DCPS: variants seen among roughly 807,000 people sequenced by gnomAD.
DCPS encodes the protein m7GpppX diphosphatase.
In DCPS, 27 loss-of-function variants were observed where a neutral mutation model predicts 34.7. The ratio of observed to expected loss-of-function variants is 0.78; its 90% confidence interval spans 0.57 to 1.07. The LOEUF (loss-of-function observed/expected upper bound fraction) is 1.07. Ranked by LOEUF, DCPS falls within the 50% of genes least tolerant of loss-of-function variation. The pLI is 0.00. For missense variants in DCPS, 464 were observed against 436.9 expected, an observed-to-expected ratio of 1.06 and a Z score of -0.55; for synonymous variants, 185 against 185.7, an observed-to-expected ratio of 1.00 and a Z score of 0.03.
At chr11:126,343,503 C>T in intron 5 of DCPS, 86 bp downstream of exon 5, 1 of 1,111,508 alleles carries the variant, frequency 9.0e-7, no homozygotes, top group African/African-American at 1.5e-5. Context: ...CCTCACCTTT[C>T]CCAGAGTCCA....
chr11:126,320,657 G>A lies in DCPS; in HGVS notation c.377-10748G>A, dbSNP rs188798047. On this transcript the variant is annotated intron_variant, in intron 2 of 5. Transcript: ENST00000263579. This position sits in a 1 kb window ranked among gnomAD's most constrained non-coding sequence, Gnocchi z 4.7. ...ATATCTACAAAAAATACAAAAATTA[G>A]CCAGGTGTAGTGGTGTGTGCCTATA... is the stretch of plus-strand genomic sequence containing the variant. 6.6e-6 allele frequency among the ~76,000 whole-genome samples: 1 copy of A among 152,084 alleles called. No homozygotes were observed. The highest frequency in any genetic ancestry group is 1.5e-5 in the Non-Finnish European group (1 of 68,024).
In DCPS at chr11:126,332,759, G is replaced by C. The variant is rs190833622; in HGVS notation, c.522+1209G>C. On this transcript the variant is annotated intron_variant, in intron 3 of 5. Transcript: ENST00000263579. This position sits in a 1 kb window ranked among gnomAD's most constrained non-coding sequence, Gnocchi z 5.4. ...GCGTGGGGTGCATCTGGCTCAAGCT[G>C]ACTTGTTTGTTGTTGTTGTTGTTGT... Among the ~76,000 whole-genome samples, 3 of 152,256 alleles carry C rather than the reference G, an allele frequency of 2.0e-5. No individual in the cohort carries two copies. The East Asian group carries it at 5.8e-4, about 29-fold the overall frequency.
At chr11:126,311,543 T>G (rs1393810049) in intron 2 of DCPS, among the ~76,000 whole-genome samples, 1 of 152,152 alleles carries the variant, frequency 6.6e-6, no homozygotes. Context: ...CTAGGAGGGC[T>G]CTCTGCAGTG....
intron 2 of DCPS, 118 bp downstream of exon 2, chr11:126,306,862 T>G: frequency 1.2e-5 from 15 of 1,219,098 alleles, no homozygotes; most frequent in South Asian, 1.9e-5. Context: ...AATAGGGAGA[T>G]TACTTCCCTA....
chr11:126,331,661 G>A lies in DCPS; in HGVS notation c.522+111G>A, dbSNP rs1951794950. ...GGCCAGGCGCTGTGCTGGGCGAGGG[G>A]ATGGGGGTACAGTAGAGAGCATGGC... On this transcript the variant is annotated intron_variant, in intron 3 of 5. Coordinates refer to ENST00000263579, the MANE Select transcript of DCPS (RefSeq NM_014026.6). This position sits in a 1 kb window ranked among gnomAD's most constrained non-coding sequence, Gnocchi z 7.2. 2 of 1,371,768 alleles carry A rather than the reference G, an allele frequency of 1.5e-6. No individual in the cohort carries two copies. The highest frequency in any genetic ancestry group is 4.5e-5 in the Admixed American group (2 of 44,120). 85.0% of individuals were successfully genotyped at this position (1,371,768 alleles called of 1,614,324 possible).
chr11:126,307,404 A>G (rs912913447), intron 2 of DCPS, among the ~76,000 whole-genome samples: 6 of 150,338 alleles, frequency 4.0e-5, no homozygotes, highest in African/African-American at 9.8e-5. Flanking sequence ...GATTCATGGG[A>G]TAGAATAATA....
rs1340878145 is a variant in DCPS at position 126,328,663 on chromosome 11, G to T, written c.377-2742G>T. Among the ~76,000 whole-genome samples the T allele has an allele frequency of 6.6e-6, 1 of 152,144 alleles. No individual in the cohort carries two copies. The highest frequency in any genetic ancestry group is 6.5e-5 in the Admixed American group (1 of 15,284). ...GGAGCCCCAGGCTGGGAGCCCGGCT[G>T]GGTGACCCTGCCCGCAGAACCCGGC... is the stretch of plus-strand genomic sequence containing the variant. On this transcript the variant is annotated intron_variant, in intron 2 of 5. Coordinates refer to ENST00000263579, the MANE Select transcript of DCPS (RefSeq NM_014026.6). The surrounding 1 kb of genome is among the most constrained non-coding windows in gnomAD (Gnocchi z 6.6).
intron 2 of DCPS, among the ~76,000 whole-genome samples, chr11:126,321,581 A>G (rs1342984278): frequency 6.6e-6 from 1 of 152,202 alleles, no homozygotes; most frequent in Non-Finnish European, 1.5e-5. Context: ...ACGAAGCTCC[A>G]GGTGACCACA....
intron 2 of DCPS, among the ~76,000 whole-genome samples, chr11:126,330,939 T>C (rs531028991): frequency 6.6e-6 from 1 of 151,616 alleles, no homozygotes; most frequent in African/African-American, 2.4e-5. Context: ...TTTCTCCACG[T>C]TGGTCAGGCT....
At chr11:126,321,897 A>G (rs1314982364) in intron 2 of DCPS, among the ~76,000 whole-genome samples, 1 of 152,238 alleles carries the variant, frequency 6.6e-6, no homozygotes, top group Non-Finnish European at 1.5e-5. Context: ...GAAGTTGTGA[A>G]GAAAACTTCC....
At position 126,345,369 on chromosome 11, in the gene DCPS, G is replaced by C; in HGVS notation, c.770G>C (p.Arg257Pro). The C allele has an allele frequency of 1.2e-6, 2 of 1,614,048 alleles. No homozygotes were observed. The highest frequency in any genetic ancestry group is 1.7e-6 in the Non-Finnish European group (2 of 1,180,022). The change falls in exon 6 of 6, where the codon CGG (arginine) becomes CCG (proline). Residue 257 changes from arginine to proline, a missense_variant. By Grantham distance (103) the Arg-to-Pro change is moderately radical (BLOSUM62 -2). Transcript: ENST00000263579. The surrounding 1 kb of genome is among the most constrained non-coding windows in gnomAD (Gnocchi z 7.4). ...QGQEAILQRY[R>P]MKGDHLRVYL... ...CAGGAGGCCATCCTGCAGCGCTACC[G>C]GATGAAGGGAGACCATCTGCGAGTA...
Position 126,304,072 on chromosome 11 carries a change from C to T in DCPS, c.-9C>T, listed in dbSNP as rs754624738. 1.3e-6 allele frequency: 2 copies of T among 1,586,184 alleles called. No individual in the cohort carries two copies. Among genetic ancestry groups the T allele is most frequent in the South Asian group, 1.1e-5 (1 of 88,634 alleles). On this transcript the variant is annotated 5_prime_UTR_variant, in exon 1 of 6. Coordinates refer to ENST00000263579, the MANE Select transcript of DCPS (RefSeq NM_014026.6). Reference sequence around the variant, plus strand: ...AGGGGGCGCAGGCGCACACCGCCTCCGCGGCAGCATGGCGGACGCAGCTCC... The same window carrying T: ...AGGGGGCGCAGGCGCACACCGCCTCTGCGGCAGCATGGCGGACGCAGCTCC...
intron 2 of DCPS, among the ~76,000 whole-genome samples, chr11:126,326,739 C>T (rs974269508): frequency 1.9e-4 from 29 of 152,020 alleles, no homozygotes; most frequent in Non-Finnish European, 3.5e-4. Flanking sequence ...CTGGCTAACA[C>T]GGTGAAACCC....
In DCPS at chr11:126,319,286, A is replaced by C. The variant is rs930749440; in HGVS notation, c.377-12119A>C. ...TCCCCCTTCATGCCTCCCACCCCAT[A>C]ATCTAACACTGCTATACTTGGTAGG... On this transcript the variant is annotated intron_variant, in intron 2 of 5. Coordinates refer to ENST00000263579, the MANE Select transcript of DCPS (RefSeq NM_014026.6). The surrounding 1 kb of genome is among the most constrained non-coding windows in gnomAD (Gnocchi z 4.5). Among the ~76,000 whole-genome samples, 3 of 152,020 alleles carry C rather than the reference A, an allele frequency of 2.0e-5. No individual in the cohort carries two copies. The highest frequency in any genetic ancestry group is 2.0e-4 in the Admixed American group (3 of 15,264).
At position 126,342,059 on chromosome 11, in the gene DCPS, A is replaced by G. The variant is rs1951879543; in HGVS notation, c.637-1248A>G. ...GGTCCTCAAATTATCTTCACAAGGA[A>G]TCTGGTAGCTCAGACTGCAGGGCAG... On this transcript the variant is annotated intron_variant, in intron 4 of 5. Coordinates refer to ENST00000263579, the MANE Select transcript of DCPS (RefSeq NM_014026.6). The surrounding 1 kb of genome is among the most constrained non-coding windows in gnomAD (Gnocchi z 4.4). 1 of 152,250 alleles carries G rather than the reference A, an allele frequency of 6.6e-6. No homozygotes were observed. Among genetic ancestry groups the G allele is most frequent in the Non-Finnish European group, 1.5e-5 (1 of 68,050 alleles). 9.4% of individuals were successfully genotyped at this position (152,250 alleles called of 1,614,324 possible).
rs185547214 is a variant in DCPS at position 126,305,263 on chromosome 11, G to A, written c.201+982G>A. Among the ~76,000 whole-genome samples, 977 of 151,964 alleles carry A rather than the reference G, an allele frequency of 6.4e-3. 10 individuals are homozygous for A. Among genetic ancestry groups the A allele is most frequent in the African/African-American group, 0.017 (689 of 41,438 alleles). Reference sequence around the variant, plus strand: ...CCAATAGCTGGGATTACAGGCCCCCGCCACCATGCCCAGCTAATTTTTGTA... The same window carrying A: ...CCAATAGCTGGGATTACAGGCCCCCACCACCATGCCCAGCTAATTTTTGTA... On this transcript the variant is annotated intron_variant, in intron 1 of 5. Coordinates refer to ENST00000263579, the MANE Select transcript of DCPS (RefSeq NM_014026.6).
At position 126,335,533 on chromosome 11, in the gene DCPS, T is replaced by G. The variant is rs373899453; in HGVS notation, c.523-2753T>G. On this transcript the variant is annotated intron_variant, in intron 3 of 5. Transcript: ENST00000263579. This position sits in a 1 kb window ranked among gnomAD's most constrained non-coding sequence, Gnocchi z 4.8. ...CAGAGGCCTCTCCCAGGAGACAGGA[T>G]GTACCTTGGCCCAGGGTGCAGGCTC... 5.9e-5 allele frequency among the ~76,000 whole-genome samples: 9 copies of G among 152,258 alleles called. No individual in the cohort carries two copies. Among genetic ancestry groups the G allele is most frequent in the African/African-American group, 2.2e-4 (9 of 41,472 alleles).
rs1272483344 is a variant in DCPS at position 126,348,021 on chromosome 11, C to T, written c.*2408C>T. Among the ~76,000 whole-genome samples the T allele has an allele frequency of 1.3e-5, 2 of 152,064 alleles. No individual in the cohort carries two copies. The highest frequency in any genetic ancestry group is 4.8e-5 in the African/African-American group (2 of 41,400). ...CTCCACGGGCTCCCGCTGACCTTGC[C>T]GTTCCTTCCCCTCATCTCGTAGCGC... On this transcript the variant is annotated 3_prime_UTR_variant, in exon 6 of 6. Coordinates refer to ENST00000263579, the MANE Select transcript of DCPS (RefSeq NM_014026.6). This position sits in a 1 kb window ranked among gnomAD's most constrained non-coding sequence, Gnocchi z 5.3.
chr11:126,304,215 C>T lies in DCPS; in HGVS notation c.135C>T (p.Ser45=), dbSNP rs1591378752. The T allele has an allele frequency of 6.8e-6, 11 of 1,614,226 alleles. No individual in the cohort carries two copies. The East Asian group carries it at 2.0e-4, about 29-fold the overall frequency. The part of the protein sequence containing the change: ...GTCAPVRLPF[S]GFRLQKVLRE... ...GTGCTCCTGTCCGCTTACCGTTCTC[C>T]GGCTTCAGACTGCAGAAGGTGCTGA... is the stretch of plus-strand genomic sequence containing the variant. The change falls in exon 1 of 6, where the codon TCC becomes TCT. Residue 45 remains serine (S), a synonymous_variant. Transcript: ENST00000263579.
Sources: allele counts gnomAD v4.1 joint callset (sites outside exome capture counted in the v4.1 genomes callset), GRCh38; gene constraint gnomAD v4.1.1; non-coding constraint Gnocchi (gnomAD v3.1); transcripts MANE v1.5; gene names NCBI Gene and HGNC (gene_info 2026-07-23, HGNC 2026-07-21).